ADAMTS9: variants seen among roughly 807,000 people sequenced by gnomAD.
ADAMTS9 encodes the protein ADAM metallopeptidase with thrombospondin type 1 motif 9.
In ADAMTS9, 107 loss-of-function variants were observed where a neutral mutation model predicts 257.1. That is an observed-to-expected ratio of 0.42 (90% CI 0.36 to 0.49). The LOEUF is 0.49. Ranked by LOEUF, ADAMTS9 falls within the 20% of genes least tolerant of loss-of-function variation. ADAMTS9 has a pLI of 0.03. For synonymous variants in ADAMTS9, 982 were observed against 880.9 expected (o/e 1.11, Z -2.03); for missense variants, 2,353 against 2,469.1 (o/e 0.95, Z 1.00).
intron 25 of ADAMTS9, among the ~76,000 whole-genome samples, chr3:64,603,117 A>C (rs2084495613): frequency 6.6e-6 from 1 of 152,178 alleles, no homozygotes; most frequent in Admixed American, 6.5e-5. Context: ...AATAATCCTC[A>C]CAACAGCCCT....
chr3:64,534,569 C>T (rs2106896740), intron 37 of ADAMTS9, among the ~76,000 whole-genome samples: 1 of 152,310 alleles, frequency 6.6e-6, no homozygotes, highest in South Asian at 2.1e-4. Flanking sequence ...ATTTCCAGGA[C>T]TAAGTGTAGC....
At position 64,603,895 on chromosome 3, in the gene ADAMTS9, C is replaced by G. The variant is rs910870484; in HGVS notation, c.3747+27G>C. 2.5e-6 allele frequency: 4 copies of G among 1,612,124 alleles called. No homozygotes were observed. In the Admixed American group the frequency reaches 5.0e-5, roughly 20 times the overall value. The stretch of plus-strand genomic sequence containing the variant: ...GCCCTCAATGTTTCCCCCATTCCCC[C>G]TAATTCCAAATAATCCACTGGCTTA... On this transcript the variant is annotated intron_variant, in intron 25 of 39. Transcript: ENST00000498707.
intron 23 of ADAMTS9, among the ~76,000 whole-genome samples, chr3:64,604,984 A>G (rs2084532281): frequency 6.6e-6 from 1 of 152,246 alleles, no homozygotes. Context: ...TCAGTGGTTA[A>G]AAATTATCCT....
At chr3:64,627,812 G>GA (rs918444677) in intron 16 of ADAMTS9, among the ~76,000 whole-genome samples, 21 of 151,876 alleles carry the variant, frequency 1.4e-4, no homozygotes, top group African/African-American at 3.4e-4. Flanking sequence ...GGCTGACACT[G>GA]AAAAAAAACA....
chr3:64,613,640 A>C, intron 21 of ADAMTS9, 131 bp from the exon 22 acceptor site: 1 of 843,452 alleles, frequency 1.2e-6, no homozygotes, highest in Non-Finnish European at 1.7e-6. Flanking sequence ...GCAATTTGTA[A>C]ATATACTAAG....
chr3:64,590,430 A>G (rs2084239872), intron 28 of ADAMTS9, among the ~76,000 whole-genome samples: 1 of 152,228 alleles, frequency 6.6e-6, no homozygotes, highest in Admixed American at 6.5e-5. Flanking sequence ...TTTTTTAAAC[A>G]TTGTATATAA....
intron 28 of ADAMTS9, among the ~76,000 whole-genome samples, chr3:64,576,504 A>G (rs1284261715): frequency 6.6e-6 from 1 of 152,216 alleles, no homozygotes; most frequent in Non-Finnish European, 1.5e-5. Flanking sequence ...AATATTGAGG[A>G]AAAATGGAGA....
At chr3:64,557,704 G>C (rs2083358562) in intron 30 of ADAMTS9, among the ~76,000 whole-genome samples, 1 of 152,172 alleles carries the variant, frequency 6.6e-6, no homozygotes, top group South Asian at 2.1e-4. Flanking sequence ...TGTGACCCTT[G>C]AGCAAAGTCT....
At chr3:64,551,713 C>A (rs2083273990) in intron 30 of ADAMTS9, among the ~76,000 whole-genome samples, 1 of 152,172 alleles carries the variant, frequency 6.6e-6, no homozygotes, top group Non-Finnish European at 1.5e-5. Context: ...TGTCTAAATA[C>A]CTCCAGGATC....
At chr3:64,545,818 G>A (rs1476838752) in intron 32 of ADAMTS9, among the ~76,000 whole-genome samples, 2 of 152,052 alleles carry the variant, frequency 1.3e-5, no homozygotes, top group Non-Finnish European at 2.9e-5. Flanking sequence ...GGCTGGTCTC[G>A]ATCTGCTGAC....
At chr3:64,589,704 AT>A (rs2084223713) in intron 28 of ADAMTS9, 1 of 152,182 alleles carries the variant, frequency 6.6e-6, no homozygotes, top group African/African-American at 2.4e-5. Flanking sequence ...ATAATAACCT[AT>A]ACTGCAAAAA....
intron 36 of ADAMTS9, among the ~76,000 whole-genome samples, chr3:64,539,705 G>A (rs2083096446): frequency 6.6e-6 from 1 of 152,334 alleles, no homozygotes; most frequent in Middle Eastern, 3.4e-3. Context: ...GCCAGGAAGA[G>A]AGCATTTCCA....
chr3:64,576,390 T>C (rs1323286771), intron 28 of ADAMTS9, among the ~76,000 whole-genome samples: 3 of 152,174 alleles, frequency 2.0e-5, no homozygotes, highest in Non-Finnish European at 4.4e-5. Flanking sequence ...CACAGTCCTT[T>C]GTCAAAAAAC....
chr3:64,652,111 G>A (rs1700945650), intron 8 of ADAMTS9, among the ~76,000 whole-genome samples: 1 of 152,190 alleles, frequency 6.6e-6, no homozygotes, highest in South Asian at 2.1e-4. Context: ...CCCTCTCTCT[G>A]GATGACTATC....
rs773160522 is a variant in ADAMTS9 at position 64,621,238 on chromosome 3, C to G, written c.2689G>C (p.Glu897Gln). 6.2e-7 allele frequency: 1 copy of G among 1,611,426 alleles called. No individual in the cohort carries two copies. Among genetic ancestry groups the G allele is most frequent in the Non-Finnish European group, 8.5e-7 (1 of 1,179,294 alleles). The change falls in exon 19 of 40, where the codon GAA becomes CAA. Residue 897 changes from glutamate (E) to glutamine (Q), a missense_variant and splice_region_variant. Around this residue, in one of 3 missense-constraint regions of ADAMTS9, gnomAD observed 1,402 missense variants for 1,441.4 expected, o/e 0.97. Coordinates refer to ENST00000498707, the MANE Select transcript of ADAMTS9 (RefSeq NM_182920.2). ...WQACSKPCQG[E>Q]RKRKLVCTRE... The stretch of plus-strand genomic sequence containing the variant: ...GTGCAAACAAGTTTTCGTTTCCGTT[C>G]CCCTAAGCAGAAAGGGAAAAAAAAT...
chr3:64,637,905 A>G (rs927822698), intron 12 of ADAMTS9, among the ~76,000 whole-genome samples: 7 of 152,246 alleles, frequency 4.6e-5, no homozygotes, highest in African/African-American at 1.7e-4. Flanking sequence ...GCTCTTCCAC[A>G]GTAACCAATT....
chr3:64,553,985 A>C (rs985078090), intron 30 of ADAMTS9, among the ~76,000 whole-genome samples: 1 of 152,240 alleles, frequency 6.6e-6, no homozygotes, highest in Admixed American at 6.5e-5. Context: ...TGTGATGTGT[A>C]GATATATGCA....
At position 64,613,501 on chromosome 3, in the gene ADAMTS9, G is replaced by T; in HGVS notation, c.3198C>A (p.Val1066=). The part of the protein sequence containing the change: ...WKSGDWSECL[V]TCGKGHKHRQ... ...GGTGCTTATGCCCTTTTCCACAGGT[G>T]ACCAAGCACTGTAATGAAAAGCGGA... The change falls in exon 22 of 40, where the codon GTC becomes GTA. Residue 1066 remains valine (V), a synonymous_variant. Coordinates refer to ENST00000498707, the MANE Select transcript of ADAMTS9 (RefSeq NM_182920.2). 1 of 1,613,098 alleles carries T rather than the reference G, an allele frequency of 6.2e-7. No individual in the cohort carries two copies. The highest frequency in any genetic ancestry group is 1.1e-5 in the South Asian group (1 of 90,868).
chr3:64,609,440 G>A (rs1189777184), intron 22 of ADAMTS9, among the ~76,000 whole-genome samples: 1 of 151,630 alleles, frequency 6.6e-6, no homozygotes, highest in Non-Finnish European at 1.5e-5. Flanking sequence ...AACATTGAAG[G>A]ATACAAGATA....
Sources: gnomAD v4.1 joint callset for allele counts (sites outside exome capture counted in the v4.1 genomes callset) on GRCh38, gnomAD v4.1.1 for gene constraint, gnomAD v4.1.1 regional missense constraint, MANE v1.5 for transcripts, NCBI Gene and HGNC (gene_info 2026-07-23, HGNC 2026-07-21) for gene names.